The following NMBR variants were observed in gnomAD, a reference collection of about 807,000 sequenced individuals.
NMBR encodes neuromedin B receptor.
In NMBR, 16 loss-of-function variants were observed where a neutral mutation model predicts 20.5. The observed-to-expected ratio is 0.78, with a 90% CI of 0.53 to 1.19. NMBR has a LOEUF of 1.19. Ranked by LOEUF, NMBR falls within the 50% of genes most tolerant of loss-of-function variation. The pLI is 0.00. For synonymous variants in NMBR, 212 were observed against 196.6 expected (o/e 1.08, Z -0.65); for missense variants, 582 against 499.1 (o/e 1.17, Z -1.58).
chr6:142,120,547 C>A (rs1037599147), intron 1 of NMBR, among the ~76,000 whole-genome samples: 4 of 151,910 alleles, frequency 2.6e-5, no homozygotes, highest in Non-Finnish European at 5.9e-5. Context: ...GACAAGAAAA[C>A]ACCCAAGGCC....
intron 1 of NMBR, among the ~76,000 whole-genome samples, chr6:142,116,647 T>A (rs188141809): frequency 1.3e-5 from 2 of 152,186 alleles, no homozygotes; most frequent in Admixed American, 6.6e-5. Flanking sequence ...TTCCTTTTTG[T>A]AAAGATCTTT....
intron 1 of NMBR, among the ~76,000 whole-genome samples, chr6:142,124,592 T>C (rs1374558326): frequency 2.0e-5 from 3 of 151,872 alleles, no homozygotes; most frequent in Non-Finnish European, 2.9e-5. Flanking sequence ...AGGGCTTTCC[T>C]ATAGAGATAT....
intron 1 of NMBR, among the ~76,000 whole-genome samples, chr6:142,101,053 A>G (rs1694728312): frequency 6.6e-6 from 1 of 152,244 alleles, no homozygotes; most frequent in African/African-American, 2.4e-5. Flanking sequence ...AAGAGACTCC[A>G]GTGCAGCCAT....
In NMBR at chr6:142,090,112, C is replaced by T. The variant is rs1032599290; in HGVS notation, c.-663-791G>A. Among the ~76,000 whole-genome samples, 7 of 152,144 alleles carry T rather than the reference C, an allele frequency of 4.6e-5. No homozygotes were observed. The South Asian group carries it at 1.5e-3, about 32-fold the overall frequency. ...ATATGCTGTTTTAAATAGGTTGTCC[C>T]TAAGCACAAAACAGTTTCCCAAATC... On this transcript the variant is annotated intron_variant, in intron 1 of 3. Transcript: ENST00000258042.
rs1349942218 is a variant in NMBR at position 142,088,992 on chromosome 6, G to A, written c.-334C>T. On this transcript the variant is annotated 5_prime_UTR_variant, in exon 2 of 4. Transcript: ENST00000258042. ...TATCTAGCGGAAAACAGCCTTTCAG[G>A]AACAAGGAGCTGTCCCTTGGGGATC... 4.8e-6 allele frequency: 1 copy of A among 209,256 alleles called. No homozygotes were observed. Among genetic ancestry groups the A allele is most frequent in the Non-Finnish European group, 9.8e-6 (1 of 102,048 alleles). 13.0% of individuals were successfully genotyped at this position (209,256 alleles called of 1,614,324 possible). A position where few individuals can be genotyped will look rare whatever the true frequency, so the allele number is the denominator to read the frequency against.
rs1778452197 is a variant in NMBR, at chr6:142,147,063, C to T, written c.-683G>A. On this transcript the variant is annotated 5_prime_UTR_variant, in exon 1 of 4. An upstream start codon of the reference 5' UTR is lost. Transcript: ENST00000258042. ...TCCTACCAGCAGAGAGCGCTAGCGC[C>T]ATGCGCGGCATAAGCGCCAAAATGC... 2.1e-5 allele frequency: 12 copies of T among 562,720 alleles called. No individual in the cohort carries two copies. The South Asian group carries it at 2.8e-4, about 13-fold the overall frequency. The allele number at this position is 562,720 out of a possible 1,614,324, so 34.9% of individuals were successfully genotyped here.
intron 2 of NMBR, among the ~76,000 whole-genome samples, chr6:142,086,191 T>C (rs1050439260): frequency 5.9e-5 from 9 of 152,182 alleles, no homozygotes; most frequent in Admixed American, 2.0e-4. Context: ...GCACCATCAG[T>C]GGCTAGCTGT....
chr6:142,145,344 A>G (rs1271289211), intron 1 of NMBR, among the ~76,000 whole-genome samples: 1 of 152,204 alleles, frequency 6.6e-6, no homozygotes, highest in Non-Finnish European at 1.5e-5. Flanking sequence ...TAAGATCTAG[A>G]AAGACATCAT....
intron 1 of NMBR, among the ~76,000 whole-genome samples, chr6:142,124,594 T>C (rs1467137006): frequency 2.0e-5 from 3 of 151,860 alleles, no homozygotes; most frequent in South Asian, 2.1e-4. Context: ...GGCTTTCCTA[T>C]AGAGATATGT....
chr6:142,081,392 CAG>C (rs975880805), intron 2 of NMBR, among the ~76,000 whole-genome samples: 1 of 152,126 alleles, frequency 6.6e-6, no homozygotes, highest in Admixed American at 6.5e-5. Context: ...TTGCTAGAAA[CAG>C]ATACAGAAAT....
chr6:142,136,203 T>C (rs1383597126), intron 1 of NMBR, among the ~76,000 whole-genome samples: 1 of 152,214 alleles, frequency 6.6e-6, no homozygotes, highest in African/African-American at 2.4e-5. Context: ...TGGTGTGAGA[T>C]GGTATCTCCT....
chr6:142,094,600 G>C (rs916886069), intron 1 of NMBR, among the ~76,000 whole-genome samples: 5 of 152,148 alleles, frequency 3.3e-5, no homozygotes, highest in Non-Finnish European at 2.9e-5. Context: ...CTGCAGCTTT[G>C]TTCTTTTGGC....
At chr6:142,133,899 C>G in intron 1 of NMBR, 1 of 701,936 alleles carries the variant, frequency 1.4e-6, no homozygotes, top group Non-Finnish European at 2.6e-6. Context: ...TTCTTTGGAT[C>G]GATCCGAATA....
At chr6:142,085,408 C>T (rs970825632) in intron 2 of NMBR, among the ~76,000 whole-genome samples, 3 of 152,108 alleles carry the variant, frequency 2.0e-5, no homozygotes, top group Non-Finnish European at 2.9e-5. Flanking sequence ...CCTGTAATCT[C>T]AGCTACTCAG....
intron 1 of NMBR, among the ~76,000 whole-genome samples, chr6:142,129,373 C>T (rs1339764655): frequency 2.0e-5 from 3 of 151,914 alleles, no homozygotes; most frequent in Admixed American, 2.0e-4. Flanking sequence ...CAAATTTTGC[C>T]CACTTACTCA....
At chr6:142,123,847 G>A (rs1013448738) in intron 1 of NMBR, among the ~76,000 whole-genome samples, 3 of 151,908 alleles carry the variant, frequency 2.0e-5, no homozygotes, top group African/African-American at 7.2e-5. Flanking sequence ...ACACCCATAA[G>A]CCGTAGTTTG....
intron 1 of NMBR, among the ~76,000 whole-genome samples, chr6:142,106,166 C>T (rs545840963): frequency 3.3e-5 from 5 of 152,222 alleles, no homozygotes; most frequent in African/African-American, 1.2e-4. Context: ...AATTTACATG[C>T]TAGGTCTAAA....
chr6:142,111,962 C>T lies in NMBR; in HGVS notation c.-663-22641G>A, dbSNP rs577088300. Among the ~76,000 whole-genome samples, 52 of 152,264 alleles carry T rather than the reference C, an allele frequency of 3.4e-4. 1 individual carries two copies. The highest frequency in any genetic ancestry group is 2.2e-4 in the African/African-American group (9 of 41,572). On this transcript the variant is annotated intron_variant, in intron 1 of 3. Transcript: ENST00000258042. ...ACCCTTTCTAATTAAGTAGCATTTG[C>T]TTATTCAAAATATCTATTTAATTGC...
chr6:142,136,245 A>AGT (rs1290023557), intron 1 of NMBR, among the ~76,000 whole-genome samples: 1 of 152,194 alleles, frequency 6.6e-6, no homozygotes, highest in Non-Finnish European at 1.5e-5. Context: ...TCTGATGGCC[A>AGT]GTGATGATGA....
Sources: allele counts gnomAD v4.1 joint callset (sites outside exome capture counted in the v4.1 genomes callset), GRCh38; gene constraint gnomAD v4.1.1; transcripts MANE v1.5; gene names NCBI Gene and HGNC (gene_info 2026-07-23, HGNC 2026-07-21).